DCAF8L2: variants seen among roughly 807,000 people sequenced by gnomAD.
DCAF8L2 encodes DDB1 and CUL4 associated factor 8 like 2.
For missense variants in DCAF8L2, 430 were observed against 490.7 expected (o/e 0.88, Z 1.17); for synonymous variants, 200 against 190.9 (o/e 1.05, Z -0.39).
the DCAF8L2 span, among the ~76,000 whole-genome samples, chrX:27,533,204 A>G: frequency 9.6e-4 from 48 of 49,939 alleles, 1 homozygote; most frequent in Admixed American, 1.8e-3. Context: ...GAAAGAAAGA[A>G]AGAAAGAAAG....
the DCAF8L2 span, among the ~76,000 whole-genome samples, chrX:27,582,648 A>C: frequency 3.6e-5 from 4 of 111,324 alleles, no homozygotes; most frequent in Non-Finnish European, 5.6e-5. Flanking sequence ...ATTTCTTATG[A>C]ATACTTCTTA....
chrX:27,679,545 A>G (rs1354012450), intron 3 of DCAF8L2, among the ~76,000 whole-genome samples: 5 of 110,989 alleles, frequency 4.5e-5, no homozygotes, highest in African/African-American at 1.6e-4. Context: ...AATAGATTGC[A>G]TCCAGTTCAT....
chrX:27,587,220 G>C (rs1221756727), upstream of DCAF8L2, among the ~76,000 whole-genome samples: 3 of 111,381 alleles, frequency 2.7e-5, no homozygotes, highest in Non-Finnish European at 5.7e-5. Context: ...GAAATATGTA[G>C]TACATACTTG....
rs73534376 is a variant in DCAF8L2 at position 27,712,099 on chromosome X, A to G, written c.-142-3989A>G. Among the ~76,000 whole-genome samples the G allele has an allele frequency of 7.7e-3, 860 of 111,254 alleles. 4 individuals are homozygous for G. Among genetic ancestry groups the G allele is most frequent in the African/African-American group, 0.026 (811 of 30,661 alleles). On this transcript the variant is annotated intron_variant, in intron 3 of 4. Coordinates refer to ENST00000451261, the MANE Select transcript of DCAF8L2 (RefSeq NM_001353450.2). ...CTTTCTATCATTTTTTATTATTAATATAGCTAGGGGTTGTGAATTTTGTTG... is the reference window on the plus strand; with the variant it reads ...CTTTCTATCATTTTTTATTATTAATGTAGCTAGGGGTTGTGAATTTTGTTG...
At chrX:27,528,035 T>TTTTAATTTAATTAATTATTAAATTAAATA in the DCAF8L2 span, among the ~76,000 whole-genome samples, 1 of 100,963 alleles carries the variant, frequency 9.9e-6, no homozygotes, top group Admixed American at 1.0e-4. Context: ...TAAATTAAAT[T>TTTTAATTTAATTAATTATTAAATTAAATA]TTTAATTTAA....
the DCAF8L2 span, among the ~76,000 whole-genome samples, chrX:27,487,442 C>T: frequency 9.0e-6 from 1 of 110,802 alleles, no homozygotes; most frequent in African/African-American, 3.3e-5. Flanking sequence ...CCTCTACACC[C>T]TGCTACATTT....
the DCAF8L2 span, among the ~76,000 whole-genome samples, chrX:27,546,289 T>C: frequency 2.7e-5 from 3 of 112,047 alleles, no homozygotes; most frequent in African/African-American, 9.7e-5. Context: ...TGGGCATGCA[T>C]GGTCTTGGGC....
the DCAF8L2 span, among the ~76,000 whole-genome samples, chrX:27,543,683 GA>G: frequency 9.0e-6 from 1 of 111,003 alleles, no homozygotes; most frequent in Admixed American, 9.7e-5. Flanking sequence ...GGGAAATTTA[GA>G]ATAGTATTTT....
Position 27,748,486 on chromosome X carries a change from A to G in DCAF8L2, c.1591A>G (p.Ser531Gly). The G allele has an allele frequency of 8.3e-7, 1 of 1,210,531 alleles. No homozygotes were observed. The highest frequency in any genetic ancestry group is 1.1e-6 in the Non-Finnish European group (1 of 894,553). The change falls in exon 5 of 5, where the codon AGT (serine) becomes GGT (glycine). Residue 531 changes from serine to glycine, a missense_variant. Coordinates refer to ENST00000451261, the MANE Select transcript of DCAF8L2 (RefSeq NM_001353450.2). Reference protein sequence around the residue: ...PHPYLPVLACSGLDHDVKIWT... With the variant: ...PHPYLPVLACGGLDHDVKIWT... Reference sequence around the variant, plus strand: ...CCCTTACCTACCTGTGTTGGCGTGCAGTGGCCTAGATCATGATGTCAAGAT... The same window carrying G: ...CCCTTACCTACCTGTGTTGGCGTGCGGTGGCCTAGATCATGATGTCAAGAT...
chrX:27,486,859 A>T, the DCAF8L2 span, among the ~76,000 whole-genome samples: 3 of 111,716 alleles, frequency 2.7e-5, no homozygotes, highest in Non-Finnish European at 5.6e-5. Flanking sequence ...TATTACCTAG[A>T]TAACTGTAGA....
the DCAF8L2 span, among the ~76,000 whole-genome samples, chrX:27,474,632 GTTAT>G: frequency 1.8e-5 from 2 of 112,223 alleles, no homozygotes; most frequent in Non-Finnish European, 3.8e-5. Context: ...TGGTGACGTT[GTTAT>G]TTAAACATGT....
the DCAF8L2 span, among the ~76,000 whole-genome samples, chrX:27,515,479 A>T: frequency 2.7e-5 from 3 of 111,721 alleles, no homozygotes; most frequent in Non-Finnish European, 5.6e-5. Context: ...TGGGAGGTGG[A>T]GGTTGCAGTG....
chrX:27,531,097 A>G, the DCAF8L2 span, among the ~76,000 whole-genome samples: 1 of 112,060 alleles, frequency 8.9e-6, no homozygotes, highest in Non-Finnish European at 1.9e-5. Context: ...AAGAATGAGC[A>G]TGTATTAGTC....
At chrX:27,654,828 T>C (rs959278272) in intron 2 of DCAF8L2, among the ~76,000 whole-genome samples, 1 of 112,200 alleles carries the variant, frequency 8.9e-6, no homozygotes, top group Non-Finnish European at 1.9e-5. Flanking sequence ...TCATAAATGT[T>C]ATTATTTTTC....
intron 2 of DCAF8L2, among the ~76,000 whole-genome samples, chrX:27,658,096 T>C: frequency 8.9e-6 from 1 of 112,750 alleles, no homozygotes; most frequent in East Asian, 2.8e-4. Context: ...GCATATTTTC[T>C]TTTTTCTGAA....
At chrX:27,478,751 G>T in the DCAF8L2 span, among the ~76,000 whole-genome samples, 1 of 111,954 alleles carries the variant, frequency 8.9e-6, no homozygotes, top group Non-Finnish European at 1.9e-5. Flanking sequence ...TTTGTTTTCT[G>T]ATGAAGAGGA....
chrX:27,471,976 T>C, the DCAF8L2 span, among the ~76,000 whole-genome samples: 1 of 111,432 alleles, frequency 9.0e-6, no homozygotes, highest in Non-Finnish European at 1.9e-5. Flanking sequence ...CATTAACCTG[T>C]TTTTTTTCAC....
the DCAF8L2 span, among the ~76,000 whole-genome samples, chrX:27,504,357 G>A: frequency 1.0e-3 from 112 of 111,337 alleles, no homozygotes; most frequent in African/African-American, 3.0e-3. Flanking sequence ...TTCAGATTTC[G>A]CTTTTATACA....
chrX:27,575,010 G>A, the DCAF8L2 span, among the ~76,000 whole-genome samples: 1 of 111,691 alleles, frequency 9.0e-6, no homozygotes, highest in African/African-American at 3.3e-5. Context: ...CGGATGAATC[G>A]GATCACGCGT....
Sources: allele counts gnomAD v4.1 joint callset (sites outside exome capture counted in the v4.1 genomes callset), GRCh38; gene constraint gnomAD v4.1.1; transcripts MANE v1.5; gene names NCBI Gene and HGNC (gene_info 2026-07-23, HGNC 2026-07-21).